CDH2: variants seen among roughly 807,000 people sequenced by gnomAD.
The protein encoded by CDH2 is cadherin-2.
In CDH2, 17 loss-of-function variants were observed where a neutral mutation model predicts 92.0. That is an observed-to-expected ratio of 0.18 (90% confidence interval 0.13 to 0.28). The LOEUF (loss-of-function observed/expected upper bound fraction) is 0.28. CDH2 is among the 10% of genes least tolerant of loss of function. CDH2 has a pLI of 1.00. For missense variants in CDH2, 862 were observed against 1,133.1 expected, an observed-to-expected ratio of 0.76 and a Z score of 3.44; for synonymous variants, 419 against 415.9, an observed-to-expected ratio of 1.01 and a Z score of -0.09.
chr18:28,096,746 T>A (rs2015141734), intron 2 of CDH2, among the ~76,000 whole-genome samples: 2 of 152,188 alleles, frequency 1.3e-5, no homozygotes, highest in African/African-American at 4.8e-5. Flanking sequence ...AGGCACTGCA[T>A]AAACAAAACA....
rs142290881 is a variant in CDH2 at position 28,070,062 on chromosome 18, A to G, written c.173-56153T>C. Among the ~76,000 whole-genome samples, 427 of 152,256 alleles carry G rather than the reference A, an allele frequency of 2.8e-3. 2 individuals are homozygous for G. Among genetic ancestry groups the G allele is most frequent in the African/African-American group, 1.0e-2 (415 of 41,544 alleles). Reference sequence around the variant, plus strand: ...GGCAACTAACCAGACAGTTAATCCAATCTTCACAGAATCATAGATAGGGTG... The same window carrying G: ...GGCAACTAACCAGACAGTTAATCCAGTCTTCACAGAATCATAGATAGGGTG... On this transcript the variant is annotated intron_variant, in intron 2 of 15. Transcript: ENST00000269141.
chr18:27,991,613 C>T (rs1357650831), intron 9 of CDH2, among the ~76,000 whole-genome samples: 1 of 152,190 alleles, frequency 6.6e-6, no homozygotes, highest in Non-Finnish European at 1.5e-5. Flanking sequence ...TTATCAGCCC[C>T]TTTCTGCATA....
At chr18:28,139,957 C>T (rs1038779239) in intron 2 of CDH2, among the ~76,000 whole-genome samples, 1 of 151,958 alleles carries the variant, frequency 6.6e-6, no homozygotes, top group South Asian at 2.1e-4. Flanking sequence ...TTCATCTCAA[C>T]AGATTCAAAC....
At chr18:28,044,085 A>G (rs577977104) in intron 2 of CDH2, among the ~76,000 whole-genome samples, 302 of 151,108 alleles carry the variant, frequency 2.0e-3, no homozygotes, top group Non-Finnish European at 3.3e-3. Context: ...GCTGATTTTT[A>G]TATTTTTAGT....
chr18:28,114,291 A>G (rs1023621097), intron 2 of CDH2, among the ~76,000 whole-genome samples: 10 of 152,172 alleles, frequency 6.6e-5, no homozygotes, highest in African/African-American at 2.2e-4. Flanking sequence ...ATATGTATAG[A>G]AATATCTCTA....
chr18:28,135,474 T>C (rs1197157433), intron 2 of CDH2, among the ~76,000 whole-genome samples: 3 of 152,232 alleles, frequency 2.0e-5, no homozygotes, highest in Admixed American at 2.0e-4. Flanking sequence ...CCAATATGAT[T>C]GAGAATTCAC....
At chr18:28,043,461 A>AATATATATATATATATAT (rs1158754890) in intron 2 of CDH2, among the ~76,000 whole-genome samples, 39 of 71,934 alleles carry the variant, frequency 5.4e-4, no homozygotes, top group South Asian at 9.2e-4. Flanking sequence ...GATATAAATA[A>AATATATATATATATATAT]ATATATATAT....
At chr18:28,120,297 C>T (rs948443498) in intron 2 of CDH2, among the ~76,000 whole-genome samples, 1 of 151,824 alleles carries the variant, frequency 6.6e-6, no homozygotes, top group African/African-American at 2.4e-5. Flanking sequence ...CATATAGGCC[C>T]CATTTTCAGA....
intron 2 of CDH2, among the ~76,000 whole-genome samples, chr18:28,042,638 A>C (rs567844418): frequency 6.6e-6 from 1 of 152,182 alleles, no homozygotes; most frequent in African/African-American, 2.4e-5. Context: ...CAAAAGAGAA[A>C]CCATAAAAAT....
intron 2 of CDH2, among the ~76,000 whole-genome samples, chr18:28,074,219 C>T (rs947316466): frequency 3.3e-5 from 5 of 152,094 alleles, no homozygotes; most frequent in African/African-American, 1.2e-4. Context: ...TCAAATGAGG[C>T]CATTCCTTGC....
At chr18:28,131,816 G>A (rs539205751) in intron 2 of CDH2, among the ~76,000 whole-genome samples, 10 of 151,730 alleles carry the variant, frequency 6.6e-5, no homozygotes, top group Admixed American at 4.6e-4. Context: ...ATTACTTAAC[G>A]ATGTCATTAA....
chr18:27,940,807 T>C (rs1261732311), intron 6 of CDH2, among the ~76,000 whole-genome samples: 1 of 152,212 alleles, frequency 6.6e-6, no homozygotes, highest in African/African-American at 2.4e-5. Flanking sequence ...TTAATAATTT[T>C]GTCTCACCAT....
chr18:28,100,092 G>A lies in CDH2; in HGVS notation c.172+47581C>T, dbSNP rs572615824. 1.2e-4 allele frequency among the ~76,000 whole-genome samples: 18 copies of A among 152,264 alleles called. No homozygotes were observed. In the East Asian group the frequency reaches 3.3e-3, roughly 28 times the overall value. On this transcript the variant is annotated intron_variant, in intron 2 of 15. Coordinates refer to ENST00000269141, the MANE Select transcript of CDH2 (RefSeq NM_001792.5). The stretch of plus-strand genomic sequence containing the variant: ...TTGGGGCACTGGATAAACACCACAT[G>A]TGACGGTTAATTTTATGGGTCAATG...
chr18:28,009,819 T>C lies in CDH2; in HGVS notation c.600A>G (p.Pro200=). Residue 200 remains proline (P), a synonymous_variant, in exon 5 of 16, where the codon CCA becomes CCG. Coordinates refer to ENST00000269141, the MANE Select transcript of CDH2 (RefSeq NM_001792.5). Reference sequence around the variant, plus strand: ...TACCAGTTGGAGGCTGGTCAGCTCCTGGCCCAGTTACACTGTACCGCAGTG... The same window carrying C: ...TACCAGTTGGAGGCTGGTCAGCTCCCGGCCCAGTTACACTGTACCGCAGTG... The part of the protein sequence containing the change: ...NLSLRYSVTG[P]GADQPPTGIF... 1 of 1,613,968 alleles carries C rather than the reference T, an allele frequency of 6.2e-7. No individual in the cohort carries two copies. Among genetic ancestry groups the C allele is most frequent in the South Asian group, 1.1e-5 (1 of 91,064 alleles).
At chr18:27,935,023 C>A (rs1331164208) in intron 6 of CDH2, among the ~76,000 whole-genome samples, 1 of 152,166 alleles carries the variant, frequency 6.6e-6, no homozygotes, top group Non-Finnish European at 1.5e-5. Context: ...TGACCATTCC[C>A]AGAACATGCC....
chr18:28,064,495 G>T (rs535679480), intron 2 of CDH2, among the ~76,000 whole-genome samples: 4 of 149,814 alleles, frequency 2.7e-5, no homozygotes, highest in Non-Finnish European at 4.4e-5. Context: ...AAAGCCTATG[G>T]GGTCATACCA....
At chr18:27,945,851 T>C (rs1033685826) in intron 6 of CDH2, among the ~76,000 whole-genome samples, 2 of 152,172 alleles carry the variant, frequency 1.3e-5, no homozygotes, top group Non-Finnish European at 2.9e-5. Flanking sequence ...GAAAATGGCA[T>C]TGAAATGAAA....
chr18:27,965,347 G>A (rs898653687), intron 14 of CDH2, among the ~76,000 whole-genome samples: 5 of 152,218 alleles, frequency 3.3e-5, no homozygotes, highest in South Asian at 2.1e-4. Flanking sequence ...AATGTGATGC[G>A]GAAAGCGAGG....
chr18:28,151,508 A>AGG (rs2016121100), intron 1 of CDH2, among the ~76,000 whole-genome samples: 1 of 152,204 alleles, frequency 6.6e-6, no homozygotes, highest in Non-Finnish European at 1.5e-5. Context: ...TTCTACAGCA[A>AGG]CACATGAAAA....
Sources: gnomAD v4.1 joint callset for allele counts (sites outside exome capture counted in the v4.1 genomes callset) on GRCh38, gnomAD v4.1.1 for gene constraint, MANE v1.5 for transcripts, NCBI Gene and HGNC (gene_info 2026-07-23, HGNC 2026-07-21) for gene names.